The following C12orf42 variants were observed in gnomAD, a reference collection of about 807,000 sequenced individuals.
The protein encoded by C12orf42 is uncharacterized protein C12orf42.
C12orf42 carries 25 observed loss-of-function variants against 21.6 expected under a neutral mutation model. That is an observed-to-expected ratio of 1.16 (90% CI 0.84 to 1.62). The LOEUF (loss-of-function observed/expected upper bound fraction) is 1.62. Ranked by LOEUF, C12orf42 falls within the 40% of genes most tolerant of loss-of-function variation. The pLI is 0.00. For missense variants in C12orf42, 483 were observed against 459.3 expected, an observed-to-expected ratio of 1.05 and a Z score of -0.47; for synonymous variants, 174 against 175.0, an observed-to-expected ratio of 0.99 and a Z score of 0.05.
At chr12:103,374,545 G>A (rs896323779) in intron 3 of C12orf42, among the ~76,000 whole-genome samples, 1 of 152,124 alleles carries the variant, frequency 6.6e-6, no homozygotes, top group Non-Finnish European at 1.5e-5. Context: ...CAAGAGATCT[G>A]TATTTGTGAG....
chr12:103,297,263 C>A (rs1814847041), downstream of C12orf42, among the ~76,000 whole-genome samples: 1 of 152,074 alleles, frequency 6.6e-6, no homozygotes, highest in Admixed American at 6.6e-5. Flanking sequence ...GTTACTGTAG[C>A]CTTGTAGTGT....
the C12orf42 span, among the ~76,000 whole-genome samples, chr12:103,153,728 C>A: frequency 6.6e-6 from 1 of 152,030 alleles, no homozygotes; most frequent in African/African-American, 2.4e-5. Flanking sequence ...TTGGTGCAAC[C>A]ATCTCGCAAA....
chr12:103,146,560 AAAAGAAAG>A, the C12orf42 span, among the ~76,000 whole-genome samples: 2,185 of 120,018 alleles, frequency 0.018, 40 homozygotes, highest in African/African-American at 0.035. Context: ...ATAAAGAAAG[AAAAGAAAG>A]AAAGAAAGAA....
chr12:103,548,255 C>T, the C12orf42 span, among the ~76,000 whole-genome samples: 2 of 152,100 alleles, frequency 1.3e-5, no homozygotes, highest in Non-Finnish European at 2.9e-5. Context: ...CCAAAATGGA[C>T]AAGTGTTTAA....
intron 5 of C12orf42, among the ~76,000 whole-genome samples, chr12:103,274,255 T>A (rs2035633553): frequency 6.6e-6 from 1 of 152,088 alleles, no homozygotes; most frequent in Non-Finnish European, 1.5e-5. Context: ...CTCAAGACAG[T>A]TTATCTGTGA....
chr12:103,180,328 C>T, the C12orf42 span, among the ~76,000 whole-genome samples: 1 of 152,084 alleles, frequency 6.6e-6, no homozygotes, highest in Middle Eastern at 3.4e-3. Flanking sequence ...TGAAAATGAT[C>T]CTTGGGATGG....
chr12:103,141,718 C>CGGG, the C12orf42 span, among the ~76,000 whole-genome samples: 24 of 151,760 alleles, frequency 1.6e-4, no homozygotes, highest in Admixed American at 1.3e-4. Context: ...TTAGTAGAAA[C>CGGG]GGGGTTTCAC....
the C12orf42 span, among the ~76,000 whole-genome samples, chr12:103,209,048 G>C: frequency 3.9e-5 from 6 of 152,112 alleles, no homozygotes; most frequent in African/African-American, 1.4e-4. Flanking sequence ...CTCAAGTTTG[G>C]TAAAAGCACA....
chr12:103,335,736 A>G (rs976310202), intron 4 of C12orf42, among the ~76,000 whole-genome samples: 1 of 152,184 alleles, frequency 6.6e-6, no homozygotes, highest in Non-Finnish European at 1.5e-5. Context: ...CCATCCTACC[A>G]TGGCAGAAGT....
At chr12:103,144,209 TG>T in the C12orf42 span, among the ~76,000 whole-genome samples, 1 of 152,190 alleles carries the variant, frequency 6.6e-6, no homozygotes, top group Non-Finnish European at 1.5e-5. Flanking sequence ...TAAGTTACTT[TG>T]GCTTCATTCT....
At chr12:103,265,851 A>G (rs1022200773), downstream of C12orf42, among the ~76,000 whole-genome samples, 1 of 141,062 alleles carries the variant, frequency 7.1e-6, no homozygotes, top group Admixed American at 7.1e-5. Flanking sequence ...CAATGGGCAC[A>G]TACTGTTGCA....
the C12orf42 span, among the ~76,000 whole-genome samples, chr12:103,524,807 C>G: frequency 6.6e-6 from 1 of 152,312 alleles, no homozygotes; most frequent in South Asian, 2.1e-4. Context: ...GAAGCACTTT[C>G]AGGCATGCCT....
chr12:103,484,148 A>T (rs893819669), intron 1 of C12orf42, among the ~76,000 whole-genome samples: 5 of 152,350 alleles, frequency 3.3e-5, no homozygotes, highest in African/African-American at 1.2e-4. Context: ...TTATAGTAGC[A>T]TGATTTATAA....
the C12orf42 span, among the ~76,000 whole-genome samples, chr12:103,523,621 A>G: frequency 6.6e-6 from 1 of 150,906 alleles, no homozygotes; most frequent in Admixed American, 6.6e-5. Context: ...TATATACTCT[A>G]TATATGTATA....
At chr12:103,416,347 G>T (rs2049331646) in intron 2 of C12orf42, among the ~76,000 whole-genome samples, 1 of 152,062 alleles carries the variant, frequency 6.6e-6, no homozygotes, top group African/African-American at 2.4e-5. Context: ...TAGGGAATGG[G>T]AGAAGTGAGT....
At chr12:103,136,295 A>T in the C12orf42 span, among the ~76,000 whole-genome samples, 15 of 152,186 alleles carry the variant, frequency 9.9e-5, no homozygotes, top group Non-Finnish European at 1.8e-4. Flanking sequence ...ATAAAATATA[A>T]CATGCCTGGG....
chr12:103,438,343 G>T (rs1424640244), intron 2 of C12orf42, among the ~76,000 whole-genome samples: 1 of 152,108 alleles, frequency 6.6e-6, no homozygotes, highest in Non-Finnish European at 1.5e-5. Context: ...TTGAAAACTG[G>T]CACAAAACAG....
At chr12:103,082,068 G>A in the C12orf42 span, among the ~76,000 whole-genome samples, 1 of 152,180 alleles carries the variant, frequency 6.6e-6, no homozygotes, top group Admixed American at 6.5e-5. Flanking sequence ...GGAAGATGGG[G>A]AATTAGTGTG....
At chr12:103,357,546 C>T (rs117067229) in intron 4 of C12orf42, among the ~76,000 whole-genome samples, 13 of 152,052 alleles carry the variant, frequency 8.5e-5, no homozygotes, top group East Asian at 1.9e-4. Context: ...TTTGGGACTC[C>T]GAAAACTCCT....
Sources: allele counts gnomAD v4.1 joint callset (sites outside exome capture counted in the v4.1 genomes callset), GRCh38; gene constraint gnomAD v4.1.1; transcripts MANE v1.5; gene names NCBI Gene and HGNC (gene_info 2026-07-23, HGNC 2026-07-21).